Variants in CACNB2 observed in about 807,000 individuals in gnomAD.
CACNB2 encodes the protein voltage-dependent L-type calcium channel subunit beta-2.
Under a neutral mutation model 73.3 loss-of-function variants are expected in CACNB2, and 42 were observed. That is an observed-to-expected ratio of 0.57 (90% CI 0.45 to 0.74). The LOEUF (loss-of-function observed/expected upper bound fraction) is 0.74. CACNB2 is among the 30% of genes least tolerant of loss of function. The pLI is 0.00. For synonymous variants in CACNB2, 348 were observed against 310.3 expected (o/e 1.12, Z -1.28); for missense variants, 940 against 853.0 (o/e 1.10, Z -1.27).
At chr10:18,204,493 T>C (rs1402898889) in intron 2 of CACNB2, among the ~76,000 whole-genome samples, 1 of 152,210 alleles carries the variant, frequency 6.6e-6, no homozygotes, top group Non-Finnish European at 1.5e-5. Flanking sequence ...GCAGAATCTT[T>C]TATTTTCTTT....
chr10:18,437,838 T>G (rs564676501), intron 3 of CACNB2, among the ~76,000 whole-genome samples: 1 of 152,214 alleles, frequency 6.6e-6, no homozygotes, highest in South Asian at 2.1e-4. Context: ...CATAGAAAAT[T>G]ATTTATGGCT....
intron 2 of CACNB2, among the ~76,000 whole-genome samples, chr10:18,165,801 T>C (rs771972767): frequency 1.3e-5 from 2 of 152,228 alleles, no homozygotes; most frequent in Non-Finnish European, 1.5e-5. Flanking sequence ...TAGCTTGCTC[T>C]ATTAGTGTGG....
At chr10:18,498,992 G>A (rs2050009264) in intron 4 of CACNB2, among the ~76,000 whole-genome samples, 1 of 152,142 alleles carries the variant, frequency 6.6e-6, no homozygotes, top group Non-Finnish European at 1.5e-5. Context: ...AGAGGTATCA[G>A]GAAAAGTCCT....
At chr10:18,141,394 C>T (rs959430011) in intron 1 of CACNB2, among the ~76,000 whole-genome samples, 81 of 152,218 alleles carry the variant, frequency 5.3e-4, no homozygotes, top group Non-Finnish European at 1.0e-4. Flanking sequence ...GCCCGGACCA[C>T]GCTGCGCACC....
At chr10:18,518,869 T>A in intron 8 of CACNB2, 41 bp from the exon 9 acceptor site, 1 of 1,560,290 alleles carries the variant, frequency 6.4e-7, no homozygotes, top group Non-Finnish European at 8.8e-7. Flanking sequence ...GTTAGTAATT[T>A]TTTTTGGTCA....
chr10:18,490,558 C>G (rs930165897), intron 3 of CACNB2, among the ~76,000 whole-genome samples: 3 of 152,154 alleles, frequency 2.0e-5, no homozygotes, highest in Non-Finnish European at 4.4e-5. Flanking sequence ...CTCCAGGTCT[C>G]ACACTGGCCT....
At chr10:18,334,127 A>AG (rs1306233872) in intron 2 of CACNB2, among the ~76,000 whole-genome samples, 2 of 152,180 alleles carry the variant, frequency 1.3e-5, no homozygotes, top group Non-Finnish European at 2.9e-5. Flanking sequence ...TTATAATGTC[A>AG]TTTTCATTAA....
intron 2 of CACNB2, among the ~76,000 whole-genome samples, chr10:18,391,544 T>TA (rs901894209): frequency 1.4e-4 from 22 of 152,070 alleles, no homozygotes; most frequent in Non-Finnish European, 2.6e-4. Flanking sequence ...GTGAAACATT[T>TA]AAAAAAATCC....
At chr10:18,188,350 G>C (rs12355077) in intron 2 of CACNB2, among the ~76,000 whole-genome samples, 3,919 of 151,972 alleles carry the variant, frequency 0.026, 70 homozygotes, top group Non-Finnish European at 0.039. Flanking sequence ...CCACTCTGTT[G>C]TGCAGGGATG....
chr10:18,424,511 C>T (rs1178678250), intron 3 of CACNB2, among the ~76,000 whole-genome samples: 1 of 152,124 alleles, frequency 6.6e-6, no homozygotes, highest in African/African-American at 2.4e-5. Flanking sequence ...AAGCTGCTTT[C>T]CCCTGGGCCC....
intron 2 of CACNB2, among the ~76,000 whole-genome samples, chr10:18,372,646 A>T (rs1267675777): frequency 6.6e-6 from 1 of 152,220 alleles, no homozygotes; most frequent in South Asian, 2.1e-4. Flanking sequence ...ACCTCAGGTC[A>T]TCCACCCGCC....
At chr10:18,423,689 A>G (rs1264961959) in intron 3 of CACNB2, among the ~76,000 whole-genome samples, 2 of 152,206 alleles carry the variant, frequency 1.3e-5, no homozygotes, top group Non-Finnish European at 2.9e-5. Flanking sequence ...AGGGAAGAGA[A>G]TATATAGTAA....
chr10:18,439,131 C>T (rs2046294689), intron 3 of CACNB2, among the ~76,000 whole-genome samples: 1 of 152,138 alleles, frequency 6.6e-6, no homozygotes, highest in Admixed American at 6.5e-5. Flanking sequence ...CTGGAGTTCA[C>T]AGAAAAGGAG....
At chr10:18,398,607 G>C (rs2132507264) in intron 2 of CACNB2, among the ~76,000 whole-genome samples, 1 of 152,014 alleles carries the variant, frequency 6.6e-6, no homozygotes, top group Admixed American at 6.6e-5. Context: ...GGAGGTCAAG[G>C]CTGCAGTAAG....
At chr10:18,288,515 T>A (rs1458097671) in intron 2 of CACNB2, among the ~76,000 whole-genome samples, 1 of 152,196 alleles carries the variant, frequency 6.6e-6, no homozygotes, top group African/African-American at 2.4e-5. Context: ...TGCAGAAAAT[T>A]TTAACTGAAA....
At chr10:18,478,746 T>A (rs555759630) in intron 3 of CACNB2, among the ~76,000 whole-genome samples, 17 of 152,310 alleles carry the variant, frequency 1.1e-4, no homozygotes, top group African/African-American at 3.8e-4. Context: ...CTAGGGAGAA[T>A]GAATGGATCC....
chr10:18,232,086 T>A (rs532154746), intron 2 of CACNB2, among the ~76,000 whole-genome samples: 1 of 152,248 alleles, frequency 6.6e-6, no homozygotes, highest in East Asian at 1.9e-4. Context: ...AGTTCTCTTC[T>A]GAAGGTAACA....
chr10:18,472,887 T>G (rs1381918516), intron 3 of CACNB2, among the ~76,000 whole-genome samples: 1 of 152,156 alleles, frequency 6.6e-6, no homozygotes, highest in East Asian at 1.9e-4. Flanking sequence ...TTTATTAGGT[T>G]TGGGGTGAAA....
intron 2 of CACNB2, among the ~76,000 whole-genome samples, chr10:18,161,354 G>C (rs1010984032): frequency 5.9e-5 from 9 of 152,230 alleles, no homozygotes; most frequent in South Asian, 2.1e-4. Context: ...CTTTTGCATA[G>C]AGTATGGGGA....
Sources: gnomAD v4.1 joint callset for allele counts (sites outside exome capture counted in the v4.1 genomes callset) on GRCh38, gnomAD v4.1.1 for gene constraint, MANE v1.5 for transcripts, NCBI Gene and HGNC (gene_info 2026-07-23, HGNC 2026-07-21) for gene names.